NUBP1: variants seen among roughly 807,000 people sequenced by gnomAD.
The protein encoded by NUBP1 is NUBP iron-sulfur cluster assembly factor 1, cytosolic, also known as cytosolic Fe-S cluster assembly factor NUBP1.
In NUBP1, 46 loss-of-function variants were observed where a neutral mutation model predicts 41.8. The observed-to-expected ratio is 1.10, with a 90% confidence interval of 0.87 to 1.41. The LOEUF is 1.41. Among genes scored for constraint, NUBP1 ranks in the 40% most tolerant of loss-of-function variants. NUBP1 has a pLI of 0.00. For missense variants in NUBP1, 494 were observed against 414.0 expected (o/e 1.19, Z -1.68); for synonymous variants, 189 against 154.6 (o/e 1.22, Z -1.65).
chr16:10,755,571 A>G, intron 4 of NUBP1, 150 bp from the exon 5 acceptor site: 2 of 754,304 alleles, frequency 2.7e-6, no homozygotes, highest in Non-Finnish European at 4.5e-6. Context: ...CTAGCTGTTC[A>G]CCTCCTTTTA....
At position 10,767,628 on chromosome 16, in the gene NUBP1, C is replaced by G. The variant is rs2031096155; in HGVS notation, c.821-321C>G. The G allele has an allele frequency of 2.3e-6, 1 of 435,822 alleles. No homozygotes were observed. The highest frequency in any genetic ancestry group is 3.6e-5 in the East Asian group (1 of 28,090). 27.0% of individuals were successfully genotyped at this position (435,822 alleles called of 1,614,324 possible). ...TTTTTTAACCATGTGCATTCATGAT[C>G]CTTTCACTCAAAAGCTAATCTCTTA... On this transcript the variant is annotated intron_variant, in intron 9 of 10. Coordinates refer to ENST00000283027, the MANE Select transcript of NUBP1 (RefSeq NM_002484.4). The surrounding 1 kb of genome is among the most constrained non-coding windows in gnomAD (Gnocchi z 4.6).
At position 10,767,052 on chromosome 16, in the gene NUBP1, G is replaced by A. The variant is rs558850200; in HGVS notation, c.821-897G>A. The A allele has an allele frequency of 7.3e-5, 29 of 398,732 alleles. No individual in the cohort carries two copies. The highest frequency in any genetic ancestry group is 1.2e-4 in the Non-Finnish European group (27 of 226,132). The allele number at this position is 398,732 out of a possible 1,614,324, so 24.7% of individuals were successfully genotyped here. A position where few individuals can be genotyped will look rare whatever the true frequency, so the allele number is the denominator to read the frequency against. On this transcript the variant is annotated intron_variant, in intron 9 of 10. Transcript: ENST00000283027. This position sits in a 1 kb window ranked among gnomAD's most constrained non-coding sequence, Gnocchi z 4.6. ...AGGGCGACACAGTAGTGAAGTTGAGGAAATGATGAGTGCTAGGTAGGAACC... is the reference window on the plus strand; with the variant it reads ...AGGGCGACACAGTAGTGAAGTTGAGAAAATGATGAGTGCTAGGTAGGAACC...
chr16:10,752,981 G>T (rs1028623973), intron 4 of NUBP1, among the ~76,000 whole-genome samples: 3 of 152,148 alleles, frequency 2.0e-5, no homozygotes, highest in Non-Finnish European at 4.4e-5. Flanking sequence ...TTTTGGTAGA[G>T]ACCAGGTTTC....
chr16:10,755,490 C>T (rs1485439393), intron 4 of NUBP1, among the ~76,000 whole-genome samples: 3 of 152,210 alleles, frequency 2.0e-5, no homozygotes, highest in Non-Finnish European at 2.9e-5. Flanking sequence ...ATCTAGACAT[C>T]CAAGTAGAGT....
Position 10,768,037 on chromosome 16 carries a change from G to A in NUBP1, c.904+5G>A, listed in dbSNP as rs1330094011. The A allele has an allele frequency of 5.0e-6, 8 of 1,613,522 alleles. No homozygotes were observed. Among genetic ancestry groups the A allele is most frequent in the Non-Finnish European group, 6.8e-6 (8 of 1,179,566 alleles). ...CCTACAGAAGTATAATTCAGAGTAAGTATTTCCATGAGTACTAAATGCAGA... is the reference window on the plus strand; with the variant it reads ...CCTACAGAAGTATAATTCAGAGTAAATATTTCCATGAGTACTAAATGCAGA... On this transcript the variant is annotated splice_donor_5th_base_variant and intron_variant, in intron 10 of 10. Coordinates refer to ENST00000283027, the MANE Select transcript of NUBP1 (RefSeq NM_002484.4). This position sits in a 1 kb window ranked among gnomAD's most constrained non-coding sequence, Gnocchi z 4.3.
At chr16:10,763,474 C>G (rs966588543) in intron 9 of NUBP1, 1 of 152,288 alleles carries the variant, frequency 6.6e-6, no homozygotes, top group African/African-American at 2.4e-5. Flanking sequence ...TCCCACAATA[C>G]TTCTCTGGCA....
intron 8 of NUBP1, 61 bp downstream of exon 8, chr16:10,761,535 C>T (rs951036653): frequency 2.7e-5 from 37 of 1,374,694 alleles, no homozygotes; most frequent in Non-Finnish European, 2.9e-5. Context: ...AGGAAACGAT[C>T]GGAAGGCTGC....
Position 10,757,772 on chromosome 16 carries a change from G to C in NUBP1, c.452-101G>C. The C allele has an allele frequency of 6.9e-7, 1 of 1,457,186 alleles. No homozygotes were observed. Among genetic ancestry groups the C allele is most frequent in the East Asian group, 2.3e-5 (1 of 43,640 alleles). 90.3% of individuals were successfully genotyped at this position (1,457,186 alleles called of 1,614,324 possible). ...GAGCCTCAGAGTTAAGAGCCAACCTGGGCAACATAGCAAGACCCCATCCTT... is the reference window on the plus strand; with the variant it reads ...GAGCCTCAGAGTTAAGAGCCAACCTCGGCAACATAGCAAGACCCCATCCTT... On this transcript the variant is annotated intron_variant, in intron 6 of 10. Transcript: ENST00000283027. This position sits in a 1 kb window ranked among gnomAD's most constrained non-coding sequence, Gnocchi z 4.1.
Position 10,768,699 on chromosome 16 carries a change from A to G in NUBP1, c.905-348A>G. 1 of 228,564 alleles carries G rather than the reference A, an allele frequency of 4.4e-6. No individual in the cohort carries two copies. The highest frequency in any genetic ancestry group is 8.4e-6 in the Non-Finnish European group (1 of 119,186). The allele number at this position is 228,564 out of a possible 1,614,324, so 14.2% of individuals were successfully genotyped here. A position where few individuals can be genotyped will look rare whatever the true frequency, so the allele number is the denominator to read the frequency against. ...GCCAGTGGCAGCCATCAGAGGCCCC[A>G]GAGTTAGGGCAGAGGTGTCAGTGTT... On this transcript the variant is annotated intron_variant, in intron 10 of 10. Coordinates refer to ENST00000283027, the MANE Select transcript of NUBP1 (RefSeq NM_002484.4). The surrounding 1 kb of genome is among the most constrained non-coding windows in gnomAD (Gnocchi z 4.3).
chr16:10,766,843 C>T lies in NUBP1; in HGVS notation c.821-1106C>T. 1 of 398,072 alleles carries T rather than the reference C, an allele frequency of 2.5e-6. No individual in the cohort carries two copies. The highest frequency in any genetic ancestry group is 3.6e-5 in the East Asian group (1 of 28,082). The allele number at this position is 398,072 out of a possible 1,614,324, so 24.7% of individuals were successfully genotyped here. A position where few individuals can be genotyped will look rare whatever the true frequency, so the allele number is the denominator to read the frequency against. ...AAACGAAAAGGATGAAGTAAAGTTA[C>T]AAAGTCATTTACGGCATACGTCCTA... On this transcript the variant is annotated intron_variant, in intron 9 of 10. Transcript: ENST00000283027. This position sits in a 1 kb window ranked among gnomAD's most constrained non-coding sequence, Gnocchi z 4.8.
At chr16:10,748,577 G>T (rs572461479) in intron 3 of NUBP1, among the ~76,000 whole-genome samples, 1 of 152,140 alleles carries the variant, frequency 6.6e-6, no homozygotes, top group South Asian at 2.1e-4. Flanking sequence ...CTCTGCCTCC[G>T]TTTTCTCATC....
Position 10,768,153 on chromosome 16 carries a change from A to G in NUBP1, c.904+121A>G, listed in dbSNP as rs2031178259. On this transcript the variant is annotated intron_variant, in intron 10 of 10. Coordinates refer to ENST00000283027, the MANE Select transcript of NUBP1 (RefSeq NM_002484.4). This position sits in a 1 kb window ranked among gnomAD's most constrained non-coding sequence, Gnocchi z 4.3. Reference sequence around the variant, plus strand: ...CTGTGATGACCACAGAGTGGCCCCCATAGCCGAGGAAGCCAGGAGTCCATG... The same window carrying G: ...CTGTGATGACCACAGAGTGGCCCCCGTAGCCGAGGAAGCCAGGAGTCCATG... 5.0e-6 allele frequency: 4 copies of G among 795,282 alleles called. No individual in the cohort carries two copies. In the Admixed American group the frequency reaches 9.3e-5, roughly 18 times the overall value. The allele number at this position is 795,282 out of a possible 1,614,324, so 49.3% of individuals were successfully genotyped here.
chr16:10,756,252 G>T (rs760859357), intron 5 of NUBP1, among the ~76,000 whole-genome samples: 1 of 152,010 alleles, frequency 6.6e-6, no homozygotes, highest in African/African-American at 2.4e-5. Context: ...GGTGGCACGC[G>T]CCTGTAACAC....
rs543949006 is a variant in NUBP1, at chr16:10,761,532, G to A, written c.717+58G>A. 9.9e-5 allele frequency: 140 copies of A among 1,414,000 alleles called. 1 individual carries two copies. In the South Asian group the frequency reaches 1.3e-3, roughly 14 times the overall value. 87.6% of individuals were successfully genotyped at this position (1,414,000 alleles called of 1,614,324 possible). A position where few individuals can be genotyped will look rare whatever the true frequency, so the allele number is the denominator to read the frequency against. On this transcript the variant is annotated intron_variant, in intron 8 of 10. Transcript: ENST00000283027. Reference sequence around the variant, plus strand: ...ATCTTGCTCTCATGGATGAGGAAACGATCGGAAGGCTGCTCTGCAAACTAT... The same window carrying A: ...ATCTTGCTCTCATGGATGAGGAAACAATCGGAAGGCTGCTCTGCAAACTAT...
intron 3 of NUBP1, among the ~76,000 whole-genome samples, chr16:10,750,844 G>A (rs1049237229): frequency 3.9e-5 from 6 of 152,284 alleles, no homozygotes; most frequent in East Asian, 1.9e-4. Flanking sequence ...TTTGGGTCCC[G>A]ACAGCCTTGC....
At chr16:10,755,793 G>T (rs201071993) in intron 5 of NUBP1, 40 bp downstream of exon 5, 2 of 1,599,276 alleles carry the variant, frequency 1.3e-6, no homozygotes, top group Non-Finnish European at 1.7e-6. Context: ...ACAGTAGTGT[G>T]TGGTTGTGTG....
chr16:10,754,933 T>G (rs1222241932), intron 4 of NUBP1, among the ~76,000 whole-genome samples: 1 of 152,082 alleles, frequency 6.6e-6, no homozygotes, highest in African/African-American at 2.4e-5. Context: ...TAATCTCAGC[T>G]ACCTGGGAGG....
In NUBP1 at chr16:10,763,015, T is replaced by C. The variant is rs570813268; in HGVS notation, c.820+1156T>C. ...ATGAGGCCCTGGGTTCTGGCGTTGG[T>C]GTAGAAAGGAAGGGACACACACAAG... On this transcript the variant is annotated intron_variant, in intron 9 of 10. Coordinates refer to ENST00000283027, the MANE Select transcript of NUBP1 (RefSeq NM_002484.4). Among the ~76,000 whole-genome samples the C allele has an allele frequency of 2.4e-4, 37 of 151,868 alleles. No homozygotes were observed. In the East Asian group the frequency reaches 7.0e-3, roughly 29 times the overall value.
chr16:10,758,612 T>C (rs1900733865), intron 7 of NUBP1, among the ~76,000 whole-genome samples: 1 of 152,186 alleles, frequency 6.6e-6, no homozygotes, highest in African/African-American at 2.4e-5. Flanking sequence ...TTGAGGAAAC[T>C]AGGGAAACCA....
Sources: allele counts gnomAD v4.1 joint callset (sites outside exome capture counted in the v4.1 genomes callset), GRCh38; gene constraint gnomAD v4.1.1; non-coding constraint Gnocchi (gnomAD v3.1); transcripts MANE v1.5; gene names NCBI Gene and HGNC (gene_info 2026-07-23, HGNC 2026-07-21).